CES3: variants seen among roughly 807,000 people sequenced by gnomAD.
CES3 encodes carboxylesterase 3 (brain).
A neutral mutation model predicts 57.6 loss-of-function variants in CES3; 49 were observed. The observed-to-expected ratio is 0.85, with a 90% confidence interval of 0.68 to 1.08. CES3 has a LOEUF of 1.08. Ranked by LOEUF, CES3 falls within the 50% of genes least tolerant of loss-of-function variation. CES3 has a pLI of 0.00. For missense variants in CES3, 645 were observed against 742.0 expected, an observed-to-expected ratio of 0.87 and a Z score of 1.52; for synonymous variants, 266 against 281.6, an observed-to-expected ratio of 0.94 and a Z score of 0.55.
Position 66,973,892 on chromosome 16 carries a change from C to A in CES3, c.*843C>A. ...GGACGCTGGATGCCAGCTCCCAGCCCCAGTGCCGGGTCCTCCCTCCCTTCC... is the reference window on the plus strand; with the variant it reads ...GGACGCTGGATGCCAGCTCCCAGCCACAGTGCCGGGTCCTCCCTCCCTTCC... On this transcript the variant is annotated 3_prime_UTR_variant, in exon 13 of 13. Coordinates refer to ENST00000303334, the MANE Select transcript of CES3 (RefSeq NM_024922.6). 1 of 152,658 alleles carries A rather than the reference C, an allele frequency of 6.6e-6. No homozygotes were observed. Among genetic ancestry groups the A allele is most frequent in the Non-Finnish European group, 1.5e-5 (1 of 68,340 alleles). 9.5% of individuals were successfully genotyped at this position (152,658 alleles called of 1,614,324 possible). A position where few individuals can be genotyped will look rare whatever the true frequency, so the allele number is the denominator to read the frequency against.
At chr16:66,968,274 C>T (rs1344953705) in intron 8 of CES3, among the ~76,000 whole-genome samples, 4 of 152,162 alleles carry the variant, frequency 2.6e-5, no homozygotes, top group African/African-American at 9.7e-5. Flanking sequence ...AAGCGATTCT[C>T]CTGCCTCAGC....
chr16:66,973,077 G>A lies in CES3; in HGVS notation c.*28G>A. On this transcript the variant is annotated 3_prime_UTR_variant, in exon 13 of 13. Transcript: ENST00000303334. ...CCAGGCCTGAACCTTCTTGGCTGGGGCAAACCACTCTTCAAGTGGTGGCAG... is the reference window on the plus strand; with the variant it reads ...CCAGGCCTGAACCTTCTTGGCTGGGACAAACCACTCTTCAAGTGGTGGCAG... 2 of 1,598,676 alleles carry A rather than the reference G, an allele frequency of 1.3e-6. No individual in the cohort carries two copies. The highest frequency in any genetic ancestry group is 8.6e-7 in the Non-Finnish European group (1 of 1,169,142).
Position 66,966,361 on chromosome 16 carries a change from T to G in CES3, c.921+16T>G, listed in dbSNP as rs1397984318. On this transcript the variant is annotated intron_variant, in intron 7 of 12. Transcript: ENST00000303334. ...CAAGAAGCTGGTATGGCCACCCTTT[T>G]GGGGATGGTGCCGGGCAATGGCACA... 6.2e-7 allele frequency: 1 copy of G among 1,611,392 alleles called. No homozygotes were observed. Among genetic ancestry groups the G allele is most frequent in the African/African-American group, 1.3e-5 (1 of 75,000 alleles).
chr16:66,961,409 C>T lies in CES3; in HGVS notation c.82+20C>T, dbSNP rs762902646. The T allele has an allele frequency of 6.3e-7, 1 of 1,597,794 alleles. No homozygotes were observed. The highest frequency in any genetic ancestry group is 1.7e-5 in the Admixed American group (1 of 58,720). ...CCACTGGTAAGACACACCTGCTGGG[C>T]CTGCAGAGGTACTTGGTGTGGAGGA... On this transcript the variant is annotated intron_variant, in intron 1 of 12. Coordinates refer to ENST00000303334, the MANE Select transcript of CES3 (RefSeq NM_024922.6).
rs769946796 is a variant in CES3 at position 66,966,345 on chromosome 16, G to A, written c.921G>A (p.Leu307=). ...AAGAGCTGGTCCTTAGCAAGAAGCT[G>A]GTATGGCCACCCTTTTGGGGATGGT... The part of the protein sequence containing the change: ...EGEELVLSKK[L]KNTIYPLTVD... Residue 307 remains leucine (L), a splice_region_variant and synonymous_variant, in exon 7 of 13, where the codon CTG becomes CTA. Coordinates refer to ENST00000303334, the MANE Select transcript of CES3 (RefSeq NM_024922.6). 3.7e-6 allele frequency: 6 copies of A among 1,613,422 alleles called. No individual in the cohort carries two copies. In the Admixed American group the frequency reaches 8.3e-5, roughly 22 times the overall value.
chr16:66,968,339 AT>A (rs560073556), intron 8 of CES3, among the ~76,000 whole-genome samples: 1 of 151,164 alleles, frequency 6.6e-6, no homozygotes, highest in African/African-American at 2.4e-5. Flanking sequence ...TAATTTTTGT[AT>A]TTTTTTTAGT....
Position 66,973,058 on chromosome 16 carries a change from C to G in CES3, c.*9C>G, listed in dbSNP as rs1555525704. On this transcript the variant is annotated 3_prime_UTR_variant, in exon 13 of 13. Transcript: ENST00000303334. ...CCCAGGAGGACCTCTGAGGCCAGGCCTGAACCTTCTTGGCTGGGGCAAACC... is the reference window on the plus strand; with the variant it reads ...CCCAGGAGGACCTCTGAGGCCAGGCGTGAACCTTCTTGGCTGGGGCAAACC... 14 of 1,610,182 alleles carry G rather than the reference C, an allele frequency of 8.7e-6. No individual in the cohort carries two copies. The highest frequency in any genetic ancestry group is 1.2e-5 in the Non-Finnish European group (14 of 1,177,314).
chr16:66,964,700 C>T lies in CES3; in HGVS notation c.792C>T (p.Ile264=), dbSNP rs746496859. 4.3e-6 allele frequency: 7 copies of T among 1,614,004 alleles called. No homozygotes were observed. In the South Asian group the frequency reaches 4.4e-5, roughly 10 times the overall value. ...QSGVITTPGI[I]DSHPWPLAQK... ...GGGTCATCACCACCCCAGGGATCATCGACTCTCACCCTTGGCCCCTAGCTC... is the reference window on the plus strand; with the variant it reads ...GGGTCATCACCACCCCAGGGATCATTGACTCTCACCCTTGGCCCCTAGCTC... The change falls in exon 6 of 13, where the codon ATC becomes ATT. Residue 264 remains isoleucine (I), a synonymous_variant. Transcript: ENST00000303334.
chr16:66,962,957 A>C, intron 1 of CES3: 1 of 696,380 alleles, frequency 1.4e-6, no homozygotes, highest in Non-Finnish European at 2.6e-6. Flanking sequence ...ACAAGGCCCT[A>C]GTGGCAGGCC....
chr16:66,969,667 G>C lies in CES3; in HGVS notation c.1063-12G>C. On this transcript the variant is annotated splice_polypyrimidine_tract_variant and intron_variant, in intron 8 of 12. Coordinates refer to ENST00000303334, the MANE Select transcript of CES3 (RefSeq NM_024922.6). ...GTCAGGCTCCACTGAGAGGGCCTTG[G>C]TGTCCACACAGGGCTGGGGTCTCCT... 4.3e-6 allele frequency: 7 copies of C among 1,611,888 alleles called. No homozygotes were observed. The highest frequency in any genetic ancestry group is 5.9e-6 in the Non-Finnish European group (7 of 1,179,092).
chr16:66,963,534 C>T lies in CES3; in HGVS notation c.331C>T (p.Leu111Phe), dbSNP rs143236427. The T allele has an allele frequency of 6.2e-7, 1 of 1,614,198 alleles. No homozygotes were observed. The change falls in exon 3 of 13, where the codon CTC (leucine) becomes TTC (phenylalanine). Residue 111 changes from leucine to phenylalanine, a missense_variant. Leu to Phe is a conservative substitution (Grantham distance 22). Coordinates refer to ENST00000303334, the MANE Select transcript of CES3 (RefSeq NM_024922.6). This position sits in a 1 kb window ranked among gnomAD's most constrained non-coding sequence, Gnocchi z 4.9. ...VESMNSSRFV[L>F]NGKQQIFSVS... Reference sequence around the variant, plus strand: ...GAGCATGAACAGCAGCAGATTTGTCCTCAACGGAAAACAGCAGATCTTCTC... The same window carrying T: ...GAGCATGAACAGCAGCAGATTTGTCTTCAACGGAAAACAGCAGATCTTCTC...
intron 8 of CES3, 61 bp from the exon 9 acceptor site, chr16:66,969,618 G>C (rs1963794938): frequency 3.3e-6 from 5 of 1,522,486 alleles, no homozygotes; most frequent in Non-Finnish European, 4.5e-6. Context: ...CTTGCCCAGG[G>C]CTGGGAGTCG....
At chr16:66,965,150 C>G (rs1328166685) in intron 6 of CES3, among the ~76,000 whole-genome samples, 2 of 152,224 alleles carry the variant, frequency 1.3e-5, no homozygotes, top group African/African-American at 4.8e-5. Flanking sequence ...TCTGCAAAGG[C>G]TGCAGGTGTG....
Position 66,963,924 on chromosome 16 carries a change from T to G in CES3, c.549T>G (p.Leu183=). ...VVTVQYRLGV[L]GFFSTGDEHA... is the part of the protein sequence containing the mutation. ...CAGTCCAGTACCGCCTTGGGGTCCT[T>G]GGCTTCTTCAGGTGAGACGACAGGC... is the stretch of plus-strand genomic sequence containing the variant. Residue 183 remains leucine (L), a synonymous_variant, in exon 4 of 13, where the codon CTT becomes CTG. Transcript: ENST00000303334. The surrounding 1 kb of genome is among the most constrained non-coding windows in gnomAD (Gnocchi z 4.9). 1 of 1,612,944 alleles carries G rather than the reference T, an allele frequency of 6.2e-7. No homozygotes were observed. Among genetic ancestry groups the G allele is most frequent in the Non-Finnish European group, 8.5e-7 (1 of 1,179,096 alleles).
At chr16:66,962,644 G>A (rs1756030002) in intron 1 of CES3, among the ~76,000 whole-genome samples, 1 of 152,140 alleles carries the variant, frequency 6.6e-6, no homozygotes, top group Non-Finnish European at 1.5e-5. Context: ...TGCCTGTAAT[G>A]CCAGCACTTT....
chr16:66,966,200 C>G, intron 6 of CES3, 44 bp from the exon 7 acceptor site: 1 of 1,569,754 alleles, frequency 6.4e-7, no homozygotes, highest in Non-Finnish European at 8.7e-7. Context: ...CAAGGTGGGG[C>G]TGAGTGGCTG....
Position 66,964,465 on chromosome 16 carries a change from C to A in CES3, c.669C>A (p.Val223=). 1 of 1,614,134 alleles carries A rather than the reference C, an allele frequency of 6.2e-7. No individual in the cohort carries two copies. The highest frequency in any genetic ancestry group is 8.5e-7 in the Non-Finnish European group (1 of 1,180,002). The change falls in exon 5 of 13, where the codon GTC becomes GTA. Residue 223 remains valine (V), a synonymous_variant. Coordinates refer to ENST00000303334, the MANE Select transcript of CES3 (RefSeq NM_024922.6). ...IAPFGGDLNC[V]TVFGGSAGGS... is the part of the protein sequence containing the mutation. The stretch of plus-strand genomic sequence containing the variant: ...CCTTCGGGGGTGACCTCAACTGTGT[C>A]ACTGTCTTTGGTGGATCTGCCGGTG...
rs1382966789 is a variant in CES3, at chr16:66,971,312, C to A, written c.1284C>A (p.Tyr428Ter). 6.2e-7 allele frequency: 1 copy of A among 1,613,426 alleles called. No homozygotes were observed. Among genetic ancestry groups the A allele is most frequent in the South Asian group, 1.1e-5 (1 of 90,960 alleles). Residue 428 changes from tyrosine to a stop codon, truncating the protein, a stop_gained, in exon 10 of 13, where the codon TAC (tyrosine) becomes TAA (stop). Transcript: ENST00000303334. LOFTEE classifies it high-confidence loss of function. ...TTCCCACCGTCAGTTTTTCAAGATACCTTCGAGGTAAGCCTGTCCCTGGCC... is the reference window on the plus strand; with the variant it reads ...TTCCCACCGTCAGTTTTTCAAGATAACTTCGAGGTAAGCCTGTCCCTGGCC... Reference protein sequence around the residue: ...INVPTVSFSRYLRDSGSPVFF... With the variant: ...INVPTVSFSR
rs900131871 is a variant in CES3, at chr16:66,974,145, C to G, written c.*1096C>G. On this transcript the variant is annotated 3_prime_UTR_variant, in exon 13 of 13. Transcript: ENST00000303334. ...AGCCCTCACAGCCCTCGCTTGCTCT[C>G]CCTGCCGCCTCTGCCTGGGCTCCCA... 6.5e-6 allele frequency: 1 copy of G among 152,894 alleles called. No individual in the cohort carries two copies. Among genetic ancestry groups the G allele is most frequent in the African/African-American group, 2.4e-5 (1 of 41,610 alleles). 9.5% of individuals were successfully genotyped at this position (152,894 alleles called of 1,614,324 possible).
Sources: allele counts gnomAD v4.1 joint callset (sites outside exome capture counted in the v4.1 genomes callset), GRCh38; gene constraint gnomAD v4.1.1; non-coding constraint Gnocchi (gnomAD v3.1); transcripts MANE v1.5; gene names NCBI Gene and HGNC (gene_info 2026-07-23, HGNC 2026-07-21).